KDM2A: variants seen among roughly 807,000 people sequenced by gnomAD.
The protein encoded by KDM2A is lysine demethylase 2A, also known as lysine-specific demethylase 2A.
In KDM2A, 3 loss-of-function variants were observed where a neutral mutation model predicts 137.3. That is an observed-to-expected ratio of 0.02 (90% CI 0.01 to 0.06). The LOEUF is 0.06. KDM2A is among the 10% of genes least tolerant of loss of function. The pLI, the probability that KDM2A is intolerant of heterozygous loss-of-function variation, is 1.00. For missense variants in KDM2A, 738 were observed against 1,510.6 expected (o/e 0.49, Z 8.48); for synonymous variants, 512 against 541.5 (o/e 0.95, Z 0.76).
At chr11:67,160,638 G>A (rs542181108) in intron 2 of KDM2A, among the ~76,000 whole-genome samples, 12 of 152,250 alleles carry the variant, frequency 7.9e-5, no homozygotes, top group Non-Finnish European at 4.4e-5. Context: ...GGGTGTAGTG[G>A]CGCATACCTA....
chr11:67,237,087 G>GT (rs1259054384), intron 12 of KDM2A, among the ~76,000 whole-genome samples: 25 of 152,208 alleles, frequency 1.6e-4, no homozygotes, highest in African/African-American at 5.5e-4. Flanking sequence ...AAACTTTCCT[G>GT]TTATAGGATA....
At chr11:67,243,336 ATTGTGCAT>A (rs1274601239) in intron 13 of KDM2A, among the ~76,000 whole-genome samples, 9 of 152,214 alleles carry the variant, frequency 5.9e-5, no homozygotes, top group Non-Finnish European at 1.3e-4. Flanking sequence ...CAGATGCCAA[ATTGTGCAT>A]TTGTGCATCC....
chr11:67,144,033 C>T (rs1478642035), intron 2 of KDM2A, among the ~76,000 whole-genome samples: 2 of 151,954 alleles, frequency 1.3e-5, no homozygotes, highest in Admixed American at 1.3e-4. Flanking sequence ...CCTCCACCTC[C>T]TGGGTTCAAG....
chr11:67,221,109 C>T (rs755831084), intron 10 of KDM2A, among the ~76,000 whole-genome samples: 1 of 151,888 alleles, frequency 6.6e-6, no homozygotes, highest in Non-Finnish European at 1.5e-5. Flanking sequence ...TGTTTGCTGG[C>T]TAGCCTCCAC....
intron 2 of KDM2A, among the ~76,000 whole-genome samples, chr11:67,168,588 C>A (rs1426075306): frequency 1.3e-4 from 2 of 15,258 alleles, no homozygotes; most frequent in African/African-American, 1.2e-3. Flanking sequence ...ATTATACACA[C>A]ACACACACAC....
chr11:67,125,989 TA>T (rs1855717632), intron 2 of KDM2A, among the ~76,000 whole-genome samples: 1 of 146,808 alleles, frequency 6.8e-6, no homozygotes, highest in Non-Finnish European at 1.5e-5. Context: ...CTCACGCCTG[TA>T]ATCCCAGCAC....
intron 19 of KDM2A, 81 bp downstream of exon 19, chr11:67,253,692 G>T: frequency 6.9e-7 from 1 of 1,444,174 alleles, no homozygotes; most frequent in Non-Finnish European, 9.6e-7. Context: ...AGAAGCTAAG[G>T]TAGTCTCAGA....
chr11:67,201,049 C>A lies in KDM2A; in HGVS notation c.308-6461C>A, dbSNP rs375250832. Among the ~76,000 whole-genome samples the A allele has an allele frequency of 9.9e-5, 15 of 151,914 alleles. No homozygotes were observed. The East Asian group carries it at 1.4e-3, about 14-fold the overall frequency. Reference sequence around the variant, plus strand: ...CTACTGAAAATAGAAAAAAAATTAGCCGGGCGTGGTGGCGGGCGCTTGTAG... The same window carrying A: ...CTACTGAAAATAGAAAAAAAATTAGACGGGCGTGGTGGCGGGCGCTTGTAG... On this transcript the variant is annotated intron_variant, in intron 5 of 20. Transcript: ENST00000529006.
chr11:67,120,962 G>A (rs1590695304), intron 1 of KDM2A, among the ~76,000 whole-genome samples: 1 of 151,604 alleles, frequency 6.6e-6, no homozygotes, highest in East Asian at 1.9e-4. Flanking sequence ...CTTGCTAGTT[G>A]TAATCCTGTG....
In KDM2A at chr11:67,169,759, C is replaced by CT. The variant is rs778350678; in HGVS notation, c.43-10304dup. ...TCTCTCTCTCTCTCTCTCTCTCTCT[C>CT]TTTTTTTTTTTTTTTTGAGACGGAG... On this transcript the variant is annotated intron_variant, in intron 2 of 20. Transcript: ENST00000529006. 6.2e-3 allele frequency among the ~76,000 whole-genome samples: 404 copies of CT among 65,658 alleles called. 7 individuals carry two copies. The highest frequency in any genetic ancestry group is 0.019 in the Middle Eastern group (1 of 54). The allele number at this position is 65,658 out of a possible 152,430, so 43.1% of individuals were successfully genotyped here.
intron 2 of KDM2A, among the ~76,000 whole-genome samples, chr11:67,168,634 C>T (rs952964378): frequency 7.2e-5 from 10 of 138,116 alleles, no homozygotes; most frequent in African/African-American, 3.0e-4. Flanking sequence ...CACACACACA[C>T]ACACACACAC....
intron 2 of KDM2A, among the ~76,000 whole-genome samples, chr11:67,179,472 C>T (rs938754573): frequency 2.0e-5 from 3 of 152,106 alleles, no homozygotes; most frequent in Non-Finnish European, 2.9e-5. Flanking sequence ...ATGGTTTCTC[C>T]GTGTTGGTCA....
chr11:67,145,574 G>A (rs1386156064), intron 2 of KDM2A, among the ~76,000 whole-genome samples: 1 of 151,726 alleles, frequency 6.6e-6, no homozygotes, highest in Non-Finnish European at 1.5e-5. Context: ...AGGAAATAAA[G>A]GCTCATAGAG....
At chr11:67,251,232 C>T (rs1416813394) in intron 17 of KDM2A, among the ~76,000 whole-genome samples, 3 of 152,196 alleles carry the variant, frequency 2.0e-5, no homozygotes, top group East Asian at 1.9e-4. Flanking sequence ...TCAATTACCT[C>T]TCCATTCAGT....
intron 2 of KDM2A, among the ~76,000 whole-genome samples, chr11:67,172,835 C>T (rs919152547): frequency 6.6e-6 from 1 of 151,952 alleles, no homozygotes; most frequent in African/African-American, 2.4e-5. Context: ...ATATCTTTGT[C>T]TTGTTCCTAA....
At chr11:67,228,404 TG>T (rs1295880302) in intron 11 of KDM2A, among the ~76,000 whole-genome samples, 2 of 152,136 alleles carry the variant, frequency 1.3e-5, no homozygotes, top group African/African-American at 4.8e-5. Context: ...TCAAGAAGGA[TG>T]ATCAAGCCGG....
chr11:67,194,019 A>G (rs1279374432), intron 5 of KDM2A, among the ~76,000 whole-genome samples: 2 of 152,174 alleles, frequency 1.3e-5, no homozygotes, highest in African/African-American at 2.4e-5. Context: ...ACCATTTTAG[A>G]TACTAATCTT....
chr11:67,253,758 G>A, intron 19 of KDM2A, 147 bp downstream of exon 19: 1 of 817,402 alleles, frequency 1.2e-6, no homozygotes, highest in East Asian at 2.5e-5. Context: ...GATGGACTGT[G>A]TACAAGAATA....
rs1284277863 is a variant in KDM2A at position 67,242,817 on chromosome 11, T to C, written c.1480-192T>C. ...TTGATAATATTGCAGCAGCCTAAGTTTGAGTTTTCTCCTTCACCTTTGATT... is the reference window on the plus strand; with the variant it reads ...TTGATAATATTGCAGCAGCCTAAGTCTGAGTTTTCTCCTTCACCTTTGATT... On this transcript the variant is annotated intron_variant, in intron 12 of 20. Coordinates refer to ENST00000529006, the MANE Select transcript of KDM2A (RefSeq NM_012308.3). Among the ~76,000 whole-genome samples the C allele has an allele frequency of 2.0e-5, 3 of 152,294 alleles. No homozygotes were observed. The East Asian group carries it at 5.8e-4, about 29-fold the overall frequency.
Sources: gnomAD v4.1 joint callset for allele counts (sites outside exome capture counted in the v4.1 genomes callset) on GRCh38, gnomAD v4.1.1 for gene constraint, MANE v1.5 for transcripts, NCBI Gene and HGNC (gene_info 2026-07-23, HGNC 2026-07-21) for gene names.